The following ASAP1 variants were observed in gnomAD, a reference collection of about 807,000 sequenced individuals.
ASAP1 encodes the protein ArfGAP with SH3 domain, ankyrin repeat and PH domain 1.
Under a neutral mutation model 145.2 loss-of-function variants are expected in ASAP1, and 43 were observed. The observed-to-expected ratio is 0.30, with a 90% CI of 0.23 to 0.38. The LOEUF (loss-of-function observed/expected upper bound fraction) is 0.38, where lower values mean the gene tolerates loss of function less well. Among genes scored for constraint, ASAP1 ranks in the 10% least tolerant of loss-of-function variants. ASAP1 has a pLI of 1.00. For synonymous variants in ASAP1, 546 were observed against 515.5 expected (o/e 1.06, Z -0.80); for missense variants, 1,018 against 1,355.3 (o/e 0.75, Z 3.91).
chr8:130,387,540 G>GA (rs772010696), intron 2 of ASAP1, among the ~76,000 whole-genome samples: 6,882 of 91,302 alleles, frequency 0.075, 155 homozygotes, highest in Middle Eastern at 0.11. Context: ...CATCAAGAAA[G>GA]AAAAAAAAAA....
chr8:130,115,664 C>T lies in ASAP1; in HGVS notation c.2136G>A (p.Glu712=). ...HVEYEWNLRQ[E]EIDESDDDLD... ...GATCATCATCGCTCTCATCTATCTC[C>T]TCCTGTCGAAGATTCCACTCATATT... The change falls in exon 23 of 30, where the codon GAG becomes GAA. Residue 712 remains glutamate (E), a synonymous_variant. Coordinates refer to ENST00000518721, the MANE Select transcript of ASAP1 (RefSeq NM_018482.4). The T allele has an allele frequency of 9.3e-6, 15 of 1,614,174 alleles. No individual in the cohort carries two copies. Among genetic ancestry groups the T allele is most frequent in the Non-Finnish European group, 1.3e-5 (15 of 1,179,986 alleles).
intron 4 of ASAP1, among the ~76,000 whole-genome samples, chr8:130,233,270 A>G (rs1159110014): frequency 2.0e-5 from 3 of 152,178 alleles, no homozygotes; most frequent in African/African-American, 7.2e-5. Context: ...ATTCATGATT[A>G]GTGAATATTA....
chr8:130,107,721 G>A (rs975742176), intron 24 of ASAP1, among the ~76,000 whole-genome samples: 5 of 151,806 alleles, frequency 3.3e-5, no homozygotes, highest in Non-Finnish European at 7.4e-5. Flanking sequence ...TTAATTCTGT[G>A]TATTTTTAGT....
intron 5 of ASAP1, among the ~76,000 whole-genome samples, chr8:130,196,964 C>T (rs1250881971): frequency 6.6e-6 from 1 of 152,204 alleles, no homozygotes; most frequent in Non-Finnish European, 1.5e-5. Flanking sequence ...AAAACTGATG[C>T]CTCGTCATTA....
chr8:130,370,517 T>C (rs779542256), intron 2 of ASAP1, among the ~76,000 whole-genome samples: 3 of 152,150 alleles, frequency 2.0e-5, no homozygotes, highest in Non-Finnish European at 2.9e-5. Context: ...TAATTTGTTA[T>C]AGCAGCCCAA....
chr8:130,284,842 T>TACACACACACACAC (rs34799517), intron 3 of ASAP1, among the ~76,000 whole-genome samples: 78 of 141,620 alleles, frequency 5.5e-4, no homozygotes, highest in East Asian at 2.1e-3. Flanking sequence ...TTTTACACTC[T>TACACACACACACAC]ACACACACAC....
chr8:130,423,298 G>A (rs1829792750), intron 1 of ASAP1, among the ~76,000 whole-genome samples: 2 of 152,152 alleles, frequency 1.3e-5, no homozygotes, highest in Admixed American at 1.3e-4. Flanking sequence ...TTTATCTTTA[G>A]TCCATCAGCT....
intron 3 of ASAP1, among the ~76,000 whole-genome samples, chr8:130,246,051 G>A (rs1014157931): frequency 6.6e-6 from 1 of 151,928 alleles, no homozygotes; most frequent in Non-Finnish European, 1.5e-5. Context: ...GAGGGCTTAC[G>A]ACCTGGATGA....
chr8:130,328,472 G>A (rs2137756388), intron 3 of ASAP1, among the ~76,000 whole-genome samples: 1 of 152,244 alleles, frequency 6.6e-6, no homozygotes, highest in Non-Finnish European at 1.5e-5. Context: ...CTGATCATCT[G>A]CCCCCTGTGG....
intron 27 of ASAP1, among the ~76,000 whole-genome samples, chr8:130,068,049 T>C (rs542651589): frequency 1.3e-4 from 20 of 152,282 alleles, no homozygotes; most frequent in Admixed American, 2.6e-4. Flanking sequence ...TATGTGGCCA[T>C]GTGGTCACCC....
Position 130,171,892 on chromosome 8 carries a change from T to A in ASAP1, c.747-2825A>T, listed in dbSNP as rs553822387. On this transcript the variant is annotated intron_variant, in intron 9 of 29. Transcript: ENST00000518721. ...GTTAAAAGTATGGGTACAAAGTTAA[T>A]CATAGCAAAATCTGTTTTGGTCTCT... 3.2e-4 allele frequency among the ~76,000 whole-genome samples: 49 copies of A among 152,326 alleles called. No homozygotes were observed. The South Asian group carries it at 6.4e-3, about 20-fold the overall frequency.
chr8:130,063,713 T>C (rs2097424201), intron 27 of ASAP1, among the ~76,000 whole-genome samples: 1 of 151,942 alleles, frequency 6.6e-6, no homozygotes, highest in South Asian at 2.1e-4. Context: ...CATCACAAAG[T>C]GAGTAAGAAG....
intron 18 of ASAP1, among the ~76,000 whole-genome samples, chr8:130,122,722 C>A (rs186260500): frequency 5.0e-4 from 76 of 152,326 alleles, no homozygotes; most frequent in African/African-American, 1.5e-3. Context: ...CTAACCACTA[C>A]ATTAGAGATA....
intron 3 of ASAP1, 34 bp downstream of exon 3, chr8:130,357,983 G>A (rs371869785): frequency 1.7e-5 from 27 of 1,585,080 alleles, no homozygotes; most frequent in African/African-American, 4.0e-5. Context: ...CGGCAGCGGC[G>A]AGCGTGGACG....
intron 3 of ASAP1, among the ~76,000 whole-genome samples, chr8:130,248,920 T>C (rs1819023727): frequency 6.6e-6 from 1 of 152,150 alleles, no homozygotes. Flanking sequence ...CTCAGCAGCA[T>C]TTCTTTTTTG....
At chr8:130,311,377 A>C (rs149603402) in intron 3 of ASAP1, among the ~76,000 whole-genome samples, 497 of 152,358 alleles carry the variant, frequency 3.3e-3, no homozygotes, top group African/African-American at 0.011. Flanking sequence ...TGTCTCATAG[A>C]GACAATCTCT....
Position 130,401,914 on chromosome 8 carries a change from A to G in ASAP1, c.30T>C (p.Ser10=). The G allele has an allele frequency of 6.2e-7, 1 of 1,613,668 alleles. No homozygotes were observed. Among genetic ancestry groups the G allele is most frequent in the South Asian group, 1.1e-5 (1 of 90,946 alleles). Residue 10 remains serine, a synonymous_variant, in exon 2 of 30, where the codon AGT becomes AGC. Transcript: ENST00000518721. ...TCCATAGTGAATCTCTCGACGAAAA[A>G]CTGGAGAGCCTGGAGGCTGAAGATC... is the stretch of plus-strand genomic sequence containing the variant. MRSSASRLS[S]FSSRDSLWNR...
chr8:130,277,610 T>A (rs1321016924), intron 3 of ASAP1, among the ~76,000 whole-genome samples: 1 of 152,180 alleles, frequency 6.6e-6, no homozygotes, highest in Non-Finnish European at 1.5e-5. Flanking sequence ...CATAATAGTC[T>A]AAATCTAACA....
chr8:130,386,382 A>G (rs868579128), intron 2 of ASAP1, among the ~76,000 whole-genome samples: 1 of 152,164 alleles, frequency 6.6e-6, no homozygotes, highest in African/African-American at 2.4e-5. Flanking sequence ...CGGAGGTAAC[A>G]CGTTCCATTG....
Sources: allele counts gnomAD v4.1 joint callset (sites outside exome capture counted in the v4.1 genomes callset), GRCh38; gene constraint gnomAD v4.1.1; transcripts MANE v1.5; gene names NCBI Gene and HGNC (gene_info 2026-07-23, HGNC 2026-07-21).